STK32A: variants seen among roughly 807,000 people sequenced by gnomAD.
The protein encoded by STK32A is serine/threonine kinase 32A.
Under a neutral mutation model 53.2 loss-of-function variants are expected in STK32A, and 41 were observed. That is an observed-to-expected ratio of 0.77 (90% CI 0.60 to 1.00). The LOEUF is 1.00. Ranked by LOEUF, STK32A falls within the 50% of genes least tolerant of loss-of-function variation. The pLI is 0.00. For missense variants in STK32A, 458 were observed against 485.8 expected (o/e 0.94, Z 0.54); for synonymous variants, 166 against 162.8 (o/e 1.02, Z -0.15).
intron 4 of STK32A, among the ~76,000 whole-genome samples, chr5:147,282,225 C>T (rs1289254762): frequency 6.6e-6 from 1 of 152,038 alleles, no homozygotes. Context: ...CCAAAAAAAT[C>T]TGCAGGACCC....
At chr5:147,345,545 A>G (rs1243883055) in intron 6 of STK32A, among the ~76,000 whole-genome samples, 1 of 152,240 alleles carries the variant, frequency 6.6e-6, no homozygotes, top group African/African-American at 2.4e-5. Flanking sequence ...TTTTGATTTA[A>G]GAAGTGATAT....
rs969188722 is a variant in STK32A, at chr5:147,280,379, T to A, written c.260+981T>A. On this transcript the variant is annotated intron_variant, in intron 4 of 12. Transcript: ENST00000397936. ...GGTTTTCAAGCAGGTATTGCTTCTC[T>A]ACTTAGAAACAACCTGGGAGCTGTG... is the stretch of plus-strand genomic sequence containing the variant. Among the ~76,000 whole-genome samples the A allele has an allele frequency of 6.2e-5, 8 of 128,364 alleles. 1 individual carries two copies. The highest frequency in any genetic ancestry group is 2.4e-4 in the African/African-American group (8 of 34,040). The allele number at this position is 128,364 out of a possible 152,430, so 84.2% of individuals were successfully genotyped here. A position where few individuals can be genotyped will look rare whatever the true frequency, so the allele number is the denominator to read the frequency against.
At position 147,384,482 on chromosome 5, in the gene STK32A, T is replaced by C; in HGVS notation, c.*499T>C. On this transcript the variant is annotated 3_prime_UTR_variant, in exon 13 of 13. Transcript: ENST00000397936. ...CTACTTGGATAAAGATAAGGAATTC[T>C]ATCAGGGAGGCATGAATGGAATCAG... 1 of 1,440,490 alleles carries C rather than the reference T, an allele frequency of 6.9e-7. No individual in the cohort carries two copies. Among genetic ancestry groups the C allele is most frequent in the South Asian group, 1.2e-5 (1 of 80,698 alleles). The allele number at this position is 1,440,490 out of a possible 1,614,324, so 89.2% of individuals were successfully genotyped here.
chr5:147,343,402 A>G (rs1755535902), intron 6 of STK32A, among the ~76,000 whole-genome samples: 1 of 152,218 alleles, frequency 6.6e-6, no homozygotes, highest in African/African-American at 2.4e-5. Flanking sequence ...AGCTGAGAGC[A>G]TTTGGCCAGC....
intron 7 of STK32A, 82 bp from the exon 8 acceptor site, chr5:147,361,435 T>A: frequency 1.1e-6 from 1 of 931,934 alleles, no homozygotes; most frequent in South Asian, 1.4e-5. Context: ...TCCTGGTAAT[T>A]CTCCTTTGGA....
intron 7 of STK32A, among the ~76,000 whole-genome samples, chr5:147,356,979 G>A (rs1756277478): frequency 6.6e-6 from 1 of 152,044 alleles, no homozygotes; most frequent in South Asian, 2.1e-4. Context: ...TTCTCTTACT[G>A]AAAATCACTC....
intron 2 of STK32A, among the ~76,000 whole-genome samples, chr5:147,245,346 A>G (rs1174487255): frequency 3.3e-5 from 5 of 152,208 alleles, no homozygotes; most frequent in African/African-American, 1.2e-4. Flanking sequence ...GCAGAAAACC[A>G]TTTTTTGTTT....
At chr5:147,317,333 T>TA (rs1561715506) in intron 4 of STK32A, among the ~76,000 whole-genome samples, 5 of 131,938 alleles carry the variant, frequency 3.8e-5, no homozygotes, top group African/African-American at 1.4e-4. Flanking sequence ...CTTTTTTTTT[T>TA]TTTTTTTTTT....
chr5:147,354,932 C>T (rs887475195), intron 7 of STK32A, among the ~76,000 whole-genome samples: 3 of 152,162 alleles, frequency 2.0e-5, no homozygotes, highest in African/African-American at 7.2e-5. Flanking sequence ...TGCCACACTC[C>T]TCCTTTTGGA....
At chr5:147,301,489 G>C (rs1753131937) in intron 4 of STK32A, among the ~76,000 whole-genome samples, 1 of 152,096 alleles carries the variant, frequency 6.6e-6, no homozygotes, top group Non-Finnish European at 1.5e-5. Flanking sequence ...AGATTCTTGA[G>C]TGGACAACTG....
chr5:147,365,659 T>C (rs1161468407), intron 8 of STK32A, among the ~76,000 whole-genome samples: 2 of 152,168 alleles, frequency 1.3e-5, no homozygotes, highest in Non-Finnish European at 1.5e-5. Context: ...TTTACTCACC[T>C]TCTGTGGCTG....
intron 2 of STK32A, among the ~76,000 whole-genome samples, chr5:147,255,808 A>G (rs1163400447): frequency 1.3e-5 from 2 of 152,188 alleles, no homozygotes; most frequent in African/African-American, 4.8e-5. Context: ...AGTTTATCCA[A>G]TCTACATTTT....
Position 147,239,583 on chromosome 5 carries a change from G to A in STK32A, c.-52G>A. ...GGACATGTTTTGAGCGAAGATGGGTGTTTCTGCCCGGATAGTATAAATCGA... is the reference window on the plus strand; with the variant it reads ...GGACATGTTTTGAGCGAAGATGGGTATTTCTGCCCGGATAGTATAAATCGA... On this transcript the variant is annotated 5_prime_UTR_variant, in exon 2 of 13. Transcript: ENST00000397936. 6.9e-7 allele frequency: 1 copy of A among 1,451,608 alleles called. No individual in the cohort carries two copies. Among genetic ancestry groups the A allele is most frequent in the South Asian group, 1.2e-5 (1 of 80,420 alleles). 89.9% of individuals were successfully genotyped at this position (1,451,608 alleles called of 1,614,324 possible).
At chr5:147,389,927 A>G (rs144455594), downstream of STK32A, among the ~76,000 whole-genome samples, 22 of 152,228 alleles carry the variant, frequency 1.4e-4, no homozygotes, top group Non-Finnish European at 3.1e-4. Flanking sequence ...GAAGGCACAC[A>G]GGGCCGAAGT....
chr5:147,330,163 A>G (rs1754797344), intron 5 of STK32A, among the ~76,000 whole-genome samples: 1 of 152,182 alleles, frequency 6.6e-6, no homozygotes, highest in East Asian at 1.9e-4. Context: ...TGCCATTAAG[A>G]TGTCAGCCAG....
intron 4 of STK32A, among the ~76,000 whole-genome samples, chr5:147,288,089 C>T (rs1752428286): frequency 6.6e-6 from 1 of 152,126 alleles, no homozygotes; most frequent in African/African-American, 2.4e-5. Flanking sequence ...GATAACATGA[C>T]ATATAACCTA....
intron 4 of STK32A, among the ~76,000 whole-genome samples, chr5:147,283,552 T>A (rs965168014): frequency 4.0e-5 from 6 of 149,950 alleles, no homozygotes; most frequent in African/African-American, 1.5e-4. Flanking sequence ...ATTGGCAAGA[T>A]TAACCAAGAA....
chr5:147,278,013 T>G, intron 2 of STK32A, 111 bp from the exon 3 acceptor site: 4 of 897,740 alleles, frequency 4.5e-6, no homozygotes, highest in Non-Finnish European at 7.0e-6. Flanking sequence ...TAAGGTAGTC[T>G]GAGATCATGT....
chr5:147,342,777 T>G (rs947526206), intron 5 of STK32A: 3 of 518,066 alleles, frequency 5.8e-6, no homozygotes, highest in African/African-American at 5.7e-5. Context: ...AGAGCCCATT[T>G]CTTCCATTTA....
Sources: gnomAD v4.1 joint callset for allele counts (sites outside exome capture counted in the v4.1 genomes callset) on GRCh38, gnomAD v4.1.1 for gene constraint, MANE v1.5 for transcripts, NCBI Gene and HGNC (gene_info 2026-07-23, HGNC 2026-07-21) for gene names.